Variants in SLC26A9 observed in about 807,000 individuals in gnomAD.
The protein encoded by SLC26A9 is solute carrier family 26 member 9.
In SLC26A9, 46 loss-of-function variants were observed where a neutral mutation model predicts 87.1. The ratio of observed to expected loss-of-function variants is 0.53; its 90% CI spans 0.42 to 0.67. The LOEUF (loss-of-function observed/expected upper bound fraction) is 0.67, where lower values mean the gene tolerates loss of function less well. Ranked by LOEUF, SLC26A9 falls within the 30% of genes least tolerant of loss-of-function variation. The pLI, the probability that SLC26A9 is intolerant of heterozygous loss-of-function variation, is 0.00. For synonymous variants in SLC26A9, 437 were observed against 409.1 expected (o/e 1.07, Z -0.82); for missense variants, 927 against 1,018.3 (o/e 0.91, Z 1.22).
intron 10 of SLC26A9, 88 bp downstream of exon 10, chr1:205,927,404 A>C: frequency 6.5e-7 from 1 of 1,547,126 alleles, no homozygotes; most frequent in Non-Finnish European, 8.9e-7. Context: ...GGGTCGGAGA[A>C]GAGCTGGCCT....
Position 205,914,599 on chromosome 1 carries a change from C to T in SLC26A9, c.*758G>A, listed in dbSNP as rs562583113. ...GCCAGCCTCCAGGGGAAGGGAGCAG[C>T]CTCTGAGGGCAGTGATGTTTCAGGA... On this transcript the variant is annotated 3_prime_UTR_variant, in exon 21 of 21. Coordinates refer to ENST00000367135, the MANE Select transcript of SLC26A9 (RefSeq NM_052934.4). The T allele has an allele frequency of 2.8e-6, 1 of 351,446 alleles. No individual in the cohort carries two copies. Among genetic ancestry groups the T allele is most frequent in the South Asian group, 7.4e-5 (1 of 13,556 alleles). The allele number at this position is 351,446 out of a possible 1,614,324, so 21.8% of individuals were successfully genotyped here. A position where few individuals can be genotyped will look rare whatever the true frequency, so the allele number is the denominator to read the frequency against.
Position 205,915,414 on chromosome 1 carries a change from C to A in SLC26A9, c.2329-10G>T. ...TGCTCCCGAACATCTCCTGCAGGAA[C>A]CACAGGAAGGAAGTGGGAGGGGAAG... On this transcript the variant is annotated splice_polypyrimidine_tract_variant and intron_variant, in intron 20 of 20. Coordinates refer to ENST00000367135, the MANE Select transcript of SLC26A9 (RefSeq NM_052934.4). 2 of 1,613,900 alleles carry A rather than the reference C, an allele frequency of 1.2e-6. No homozygotes were observed. The highest frequency in any genetic ancestry group is 2.2e-5 in the East Asian group (1 of 44,874).
At chr1:205,923,286 C>G in intron 15 of SLC26A9, 49 bp downstream of exon 15, 1 of 1,612,198 alleles carries the variant, frequency 6.2e-7, no homozygotes, top group Non-Finnish European at 8.5e-7. Context: ...CTTCCATTTT[C>G]CGGCCACTCT....
At chr1:205,937,699 G>T (rs1659574294) in intron 1 of SLC26A9, among the ~76,000 whole-genome samples, 1 of 152,150 alleles carries the variant, frequency 6.6e-6, no homozygotes, top group South Asian at 2.1e-4. Context: ...CGTGAGGCGG[G>T]GTGGTCTCAC....
intron 18 of SLC26A9, among the ~76,000 whole-genome samples, chr1:205,919,645 G>T (rs1193643499): frequency 6.6e-6 from 1 of 152,170 alleles, no homozygotes; most frequent in Non-Finnish European, 1.5e-5. Context: ...GTACATGCTA[G>T]TCATGTAAAT....
At chr1:205,917,749 G>A (rs1393006160) in intron 19 of SLC26A9, among the ~76,000 whole-genome samples, 2 of 152,072 alleles carry the variant, frequency 1.3e-5, no homozygotes, top group African/African-American at 4.8e-5. Context: ...AAAGGTGTGT[G>A]TTTATGTGTG....
In SLC26A9 at chr1:205,917,313, C is replaced by T. The variant is rs1244973313; in HGVS notation, c.2298G>A (p.Glu766=). The part of the protein sequence containing the change: ...DAELSLYDSE[E]DIRSYWDLEQ... ...CTAAGTCCCAGTAGCTGCGAATGTC[C>T]TCCTCTGAGTCGTACAAGGAGAGCT... The change falls in exon 20 of 21, where the codon GAG becomes GAA. Residue 766 remains glutamate (E), a synonymous_variant. Coordinates refer to ENST00000367135, the MANE Select transcript of SLC26A9 (RefSeq NM_052934.4). The T allele has an allele frequency of 8.1e-6, 13 of 1,614,042 alleles. No homozygotes were observed. Among genetic ancestry groups the T allele is most frequent in the Middle Eastern group, 1.6e-4 (1 of 6,062 alleles).
chr1:205,919,401 G>A (rs12723666), intron 18 of SLC26A9, among the ~76,000 whole-genome samples: 13,423 of 152,226 alleles, frequency 0.088, 687 homozygotes, highest in African/African-American at 0.13. Flanking sequence ...ATGGTTTCCT[G>A]AGGGGGTGTC....
At chr1:205,939,318 T>C (rs539748126) in intron 1 of SLC26A9, among the ~76,000 whole-genome samples, 1 of 152,352 alleles carries the variant, frequency 6.6e-6, no homozygotes, top group East Asian at 1.9e-4. Flanking sequence ...TGTTTTCCCC[T>C]GAGTGGCACT....
intron 20 of SLC26A9, 125 bp from the exon 21 acceptor site, chr1:205,915,529 T>C (rs1658555855): frequency 4.3e-6 from 5 of 1,161,110 alleles, no homozygotes; most frequent in South Asian, 1.4e-5. Context: ...TGTGTGTGTG[T>C]GTGTGTGTGT....
chr1:205,940,765 C>T (rs1571765312), intron 1 of SLC26A9, among the ~76,000 whole-genome samples: 1 of 152,132 alleles, frequency 6.6e-6, no homozygotes. Context: ...TGGAGGTGAT[C>T]CTGTCACTGT....
In SLC26A9 at chr1:205,934,911, A is replaced by G. The variant is rs192933370; in HGVS notation, c.125+785T>C. Among the ~76,000 whole-genome samples the G allele has an allele frequency of 4.3e-3, 651 of 152,296 alleles. 3 individuals carry two copies. The highest frequency in any genetic ancestry group is 0.014 in the African/African-American group (578 of 41,560). On this transcript the variant is annotated intron_variant, in intron 2 of 20. Coordinates refer to ENST00000367135, the MANE Select transcript of SLC26A9 (RefSeq NM_052934.4). Reference sequence around the variant, plus strand: ...GATTCCCCCGGCCTGAACCAGTTCCACCTGCGTCTCCACTTCAGCCATTGC... The same window carrying G: ...GATTCCCCCGGCCTGAACCAGTTCCGCCTGCGTCTCCACTTCAGCCATTGC...
intron 5 of SLC26A9, among the ~76,000 whole-genome samples, chr1:205,931,229 T>A (rs535909415): frequency 6.6e-6 from 1 of 152,172 alleles, no homozygotes; most frequent in Non-Finnish European, 1.5e-5. Flanking sequence ...GAGTGAGGGA[T>A]GTTAGAGAAA....
intron 16 of SLC26A9, among the ~76,000 whole-genome samples, chr1:205,922,880 C>A (rs1001345811): frequency 6.6e-6 from 1 of 151,878 alleles, no homozygotes; most frequent in Non-Finnish European, 1.5e-5. Context: ...GCCTGGGTGA[C>A]AAGAGCAAAA....
intron 2 of SLC26A9, 130 bp downstream of exon 2, chr1:205,935,566 C>T: frequency 7.1e-7 from 1 of 1,402,344 alleles, no homozygotes; most frequent in Non-Finnish European, 9.7e-7. Context: ...ATTCATCATT[C>T]AGAACCTCAC....
chr1:205,915,518 C>CTGTG (rs113527464), intron 20 of SLC26A9, 114 bp from the exon 21 acceptor site: 17,415 of 867,912 alleles, frequency 0.02, 802 homozygotes, highest in African/African-American at 0.18. Context: ...AACAAAGCAC[C>CTGTG]TGTGTGTGTG....
Position 205,929,142 on chromosome 1 carries a change from T to C in SLC26A9, c.870+62A>G. The stretch of plus-strand genomic sequence containing the variant: ...GTTGAGGGGATGGGGTGAGGAAAGG[T>C]AGGGGCTTCCTCGTCTCACAGCCTG... On this transcript the variant is annotated intron_variant, in intron 7 of 20. Transcript: ENST00000367135. The C allele has an allele frequency of 1.9e-6, 3 of 1,576,204 alleles. No individual in the cohort carries two copies. In the South Asian group the frequency reaches 3.6e-5, roughly 19 times the overall value.
At chr1:205,920,069 C>T in intron 18 of SLC26A9, 107 bp downstream of exon 18, 3 of 1,256,852 alleles carry the variant, frequency 2.4e-6, no homozygotes, top group Non-Finnish European at 3.5e-6. Context: ...TGGGGGATAG[C>T]TGGGTGCTCT....
At chr1:205,936,828 A>G (rs972483650) in intron 1 of SLC26A9, among the ~76,000 whole-genome samples, 4 of 152,174 alleles carry the variant, frequency 2.6e-5, no homozygotes, top group African/African-American at 9.7e-5. Flanking sequence ...CTTGGGGGCT[A>G]GAGATGCCCC....
Sources: allele counts gnomAD v4.1 joint callset (sites outside exome capture counted in the v4.1 genomes callset), GRCh38; gene constraint gnomAD v4.1.1; transcripts MANE v1.5; gene names NCBI Gene and HGNC (gene_info 2026-07-23, HGNC 2026-07-21).